The following FAM83B variants were observed in gnomAD, a reference collection of about 807,000 sequenced individuals.
FAM83B encodes the protein scaffolding CK1 anchoring protein B, also known as protein FAM83B.
FAM83B carries 26 observed loss-of-function variants against 38.8 expected under a neutral mutation model. That is an observed-to-expected ratio of 0.67 (90% confidence interval 0.49 to 0.93). The LOEUF (loss-of-function observed/expected upper bound fraction) is 0.93, where lower values mean the gene tolerates loss of function less well. FAM83B is among the 40% of genes least tolerant of loss of function. FAM83B has a pLI of 0.00. For synonymous variants in FAM83B, 419 were observed against 423.1 expected, an observed-to-expected ratio of 0.99 and a Z score of 0.12; for missense variants, 1,237 against 1,197.3, an observed-to-expected ratio of 1.03 and a Z score of -0.49.
chr6:54,942,915 T>C lies in FAM83B; in HGVS notation c.*908T>C, dbSNP rs75048399. The stretch of plus-strand genomic sequence containing the variant: ...CGAAAATTCTTGCTCTTTTTTTTTT[T>C]CTTTTGAGATGGAGTCTCGCTCTGT... On this transcript the variant is annotated 3_prime_UTR_variant, in exon 5 of 5. Coordinates refer to ENST00000306858, the MANE Select transcript of FAM83B (RefSeq NM_001010872.3). Among the ~76,000 whole-genome samples, 9 of 151,816 alleles carry C rather than the reference T, an allele frequency of 5.9e-5. 1 individual carries two copies. Among genetic ancestry groups the C allele is most frequent in the Admixed American group, 5.9e-4 (9 of 15,240 alleles).
At chr6:54,892,418 C>T (rs1483528279) in intron 2 of FAM83B, among the ~76,000 whole-genome samples, 1 of 152,048 alleles carries the variant, frequency 6.6e-6, no homozygotes, top group East Asian at 1.9e-4. Context: ...CCTCTCCCTC[C>T]TCCCACCCTC....
chr6:54,870,582 GC>G lies in FAM83B; in HGVS notation c.339del (p.Gly114AspfsTer3). On this transcript the variant is annotated frameshift_variant, in exon 2 of 5. Coordinates refer to ENST00000306858, the MANE Select transcript of FAM83B (RefSeq NM_001010872.3). LOFTEE classifies it high-confidence loss of function. Reference sequence around the variant, plus strand: ...TTGACTTAGGCTGGCCATATGTGATGCCCGGACTCTTAGGGGGCACCCATAT... The same window carrying G: ...TTGACTTAGGCTGGCCATATGTGATGCCGGACTCTTAGGGGGCACCCATAT... The part of the protein sequence containing the change: ...NLDLGWPYVM[P>X]GLLGGTHIDL... The G allele has an allele frequency of 6.2e-7, 1 of 1,613,996 alleles. No individual in the cohort carries two copies. The highest frequency in any genetic ancestry group is 8.5e-7 in the Non-Finnish European group (1 of 1,179,976).
At position 54,941,827 on chromosome 6, in the gene FAM83B, C is replaced by T. The variant is rs9464166; in HGVS notation, c.2856C>T (p.Asn952=). 8,862 of 1,613,928 alleles carry T rather than the reference C, an allele frequency of 5.5e-3. 397 individuals carry two copies. In the African/African-American group the frequency reaches 0.098, roughly 18 times the overall value. The change falls in exon 5 of 5, where the codon AAC becomes AAT. Residue 952 remains asparagine (N), a synonymous_variant. Coordinates refer to ENST00000306858, the MANE Select transcript of FAM83B (RefSeq NM_001010872.3). ...AGAGCTCTATTCAGCCAACAAGCAA[C>T]ATGCCAAATACCAGTATAAATCGCC... ...KIESSIQPTS[N]MPNTSINRPE...
At chr6:54,877,342 T>C in intron 2 of FAM83B, among the ~76,000 whole-genome samples, 1 of 152,208 alleles carries the variant, frequency 6.6e-6, no homozygotes, top group African/African-American at 2.4e-5. Context: ...TTGTCTGTCC[T>C]CTCAATGAGA....
At chr6:54,879,751 A>G (rs753008635) in intron 2 of FAM83B, among the ~76,000 whole-genome samples, 3 of 152,116 alleles carry the variant, frequency 2.0e-5, no homozygotes, top group Non-Finnish European at 2.9e-5. Flanking sequence ...GATGTTGTGA[A>G]ATCTGATTTT....
At position 54,854,238 on chromosome 6, in the gene FAM83B, A is replaced by C. The variant is rs189299633; in HGVS notation, c.-61+7412A>C. ...GAACATTGTTAAAGTGACAACAAAG[A>C]ATTTAGAATATTATAAAAACTTAGT... On this transcript the variant is annotated intron_variant, in intron 1 of 4. Transcript: ENST00000306858. 7.7e-3 allele frequency among the ~76,000 whole-genome samples: 1,166 copies of C among 152,328 alleles called. 18 individuals carry two copies. Among genetic ancestry groups the C allele is most frequent in the African/African-American group, 0.027 (1,130 of 41,566 alleles).
intron 4 of FAM83B, among the ~76,000 whole-genome samples, chr6:54,934,400 G>A (rs1034120746): frequency 2.6e-5 from 4 of 152,162 alleles, no homozygotes; most frequent in Non-Finnish European, 4.4e-5. Context: ...ACAGCTGAAT[G>A]ATAGACTGGG....
chr6:54,859,733 TC>T (rs1441434872), intron 1 of FAM83B, among the ~76,000 whole-genome samples: 4 of 152,196 alleles, frequency 2.6e-5, no homozygotes, highest in Admixed American at 6.5e-5. Context: ...TTAATTTTTT[TC>T]CTTTATGGGT....
At chr6:54,903,735 A>G (rs1446877568) in intron 2 of FAM83B, among the ~76,000 whole-genome samples, 1 of 151,696 alleles carries the variant, frequency 6.6e-6, no homozygotes, top group African/African-American at 2.4e-5. Context: ...TTTTTTCTAC[A>G]TACCTTTCTA....
intron 2 of FAM83B, among the ~76,000 whole-genome samples, chr6:54,881,961 T>C (rs1056464205): frequency 6.6e-6 from 1 of 152,198 alleles, no homozygotes; most frequent in Non-Finnish European, 1.5e-5. Context: ...CCCCACCCTG[T>C]GTCCCTGTGT....
intron 1 of FAM83B, 50 bp from the exon 2 acceptor site, chr6:54,870,137 C>G (rs1771808011): frequency 1.3e-6 from 1 of 799,342 alleles, no homozygotes; most frequent in African/African-American, 1.7e-5. Flanking sequence ...ATAAAACATT[C>G]TGTTACCGAA....
chr6:54,940,132 T>G lies in FAM83B; in HGVS notation c.1161T>G (p.His387Gln), dbSNP rs996582264. 1.9e-6 allele frequency: 3 copies of G among 1,614,052 alleles called. No homozygotes were observed. The highest frequency in any genetic ancestry group is 2.5e-6 in the Non-Finnish European group (3 of 1,180,006). The part of the protein sequence containing the change: ...PNQINENWKR[H>Q]SYAGEQPETV... ...AGATAAATGAAAATTGGAAAAGGCA[T>G]AGTTATGCTGGGGAACAGCCAGAAA... The change falls in exon 5 of 5, where the codon CAT becomes CAG. Residue 387 changes from histidine (H) to glutamine (Q), a missense_variant. By Grantham distance (24) the His-to-Gln change is conservative. Transcript: ENST00000306858.
rs1399757663 is a variant in FAM83B at position 54,942,572 on chromosome 6, T to TG, written c.*565_*566insG. Among the ~76,000 whole-genome samples the TG allele has an allele frequency of 6.6e-6, 1 of 152,004 alleles. No homozygotes were observed. Among genetic ancestry groups the TG allele is most frequent in the African/African-American group, 2.4e-5 (1 of 41,338 alleles). ...TTACATTTTTTATTTTTTATTTTTT[T>TG]TTCTGCCTGAAGTGTTTGCAAAGTA... On this transcript the variant is annotated 3_prime_UTR_variant, in exon 5 of 5. Coordinates refer to ENST00000306858, the MANE Select transcript of FAM83B (RefSeq NM_001010872.3).
chr6:54,898,767 A>G (rs982880617), intron 2 of FAM83B, among the ~76,000 whole-genome samples: 1 of 152,150 alleles, frequency 6.6e-6, no homozygotes, highest in Non-Finnish European at 1.5e-5. Context: ...TCACCAGCAT[A>G]TATCAAATTG....
intron 2 of FAM83B, among the ~76,000 whole-genome samples, chr6:54,892,093 G>C (rs1393897084): frequency 6.6e-6 from 1 of 152,138 alleles, no homozygotes; most frequent in African/African-American, 2.4e-5. Context: ...GAACATTTCT[G>C]CTTTCTCCCG....
At chr6:54,901,758 T>A (rs1772666656) in intron 2 of FAM83B, among the ~76,000 whole-genome samples, 2 of 152,172 alleles carry the variant, frequency 1.3e-5, no homozygotes, top group Admixed American at 1.3e-4. Context: ...TTAAACCAGA[T>A]TTATAGAGAA....
intron 1 of FAM83B, among the ~76,000 whole-genome samples, chr6:54,848,092 T>G (rs75845634): frequency 0.13 from 20,100 of 149,608 alleles, 1,487 homozygotes; most frequent in African/African-American, 0.18. Context: ...GGGTTTTTTG[T>G]TTTTTATTGG....
chr6:54,896,456 A>G (rs574631723), intron 2 of FAM83B, among the ~76,000 whole-genome samples: 2 of 152,298 alleles, frequency 1.3e-5, no homozygotes, highest in Admixed American at 6.5e-5. Context: ...ACATAATTCA[A>G]AGTTCTCTGA....
At position 54,941,927 on chromosome 6, in the gene FAM83B, T is replaced by G; in HGVS notation, c.2956T>G (p.Tyr986Asp). ...SPLLNYNTGV[Y>D]RSYQPNENKF... Reference sequence around the variant, plus strand: ...ATTGCTTAATTACAACACTGGTGTTTATCGCTCATATCAACCCAATGAGAA... The same window carrying G: ...ATTGCTTAATTACAACACTGGTGTTGATCGCTCATATCAACCCAATGAGAA... The change falls in exon 5 of 5, where the codon TAT becomes GAT. Residue 986 changes from tyrosine (Y) to aspartate (D), a missense_variant. Tyr to Asp is a radical substitution (Grantham distance 160). Coordinates refer to ENST00000306858, the MANE Select transcript of FAM83B (RefSeq NM_001010872.3). 6.2e-7 allele frequency: 1 copy of G among 1,614,026 alleles called. No homozygotes were observed. The highest frequency in any genetic ancestry group is 8.5e-7 in the Non-Finnish European group (1 of 1,179,970).
Sources: gnomAD v4.1 joint callset for allele counts (sites outside exome capture counted in the v4.1 genomes callset) on GRCh38, gnomAD v4.1.1 for gene constraint, MANE v1.5 for transcripts, NCBI Gene and HGNC (gene_info 2026-07-23, HGNC 2026-07-21) for gene names.